RAD51D: variants seen among roughly 807,000 people sequenced by gnomAD.
The protein encoded by RAD51D is DNA repair protein RAD51 homolog 4.
RAD51D carries 38 observed loss-of-function variants against 44.1 expected under a neutral mutation model. That is an observed-to-expected ratio of 0.86 (90% confidence interval 0.67 to 1.13). The LOEUF (loss-of-function observed/expected upper bound fraction) is 1.13, where lower values mean the gene tolerates loss of function less well. Ranked by LOEUF, RAD51D falls within the 50% of genes most tolerant of loss-of-function variation. The pLI is 0.00. For synonymous variants in RAD51D, 141 were observed against 166.6 expected, an observed-to-expected ratio of 0.85 and a Z score of 1.18; for missense variants, 390 against 414.0, an observed-to-expected ratio of 0.94 and a Z score of 0.50.
chr17:35,116,991 GGCA>G lies in RAD51D; in HGVS notation c.263+1507_263+1509del, dbSNP rs753760360. On this transcript the variant is annotated intron_variant, in intron 3 of 9. Coordinates refer to ENST00000345365, the MANE Select transcript of RAD51D (RefSeq NM_002878.4). ...CCACGATCTCCCTGCGGGGACCTGA[GGCA>G]GCTGCAGTCCTCCCAGGTTCCCACT... 9.3e-6 allele frequency: 15 copies of G among 1,613,894 alleles called. No individual in the cohort carries two copies. The highest frequency in any genetic ancestry group is 2.2e-5 in the East Asian group (1 of 44,870).
At chr17:35,119,268 C>A in intron 1 of RAD51D, 96 bp from the exon 2 acceptor site, 2 of 1,196,720 alleles carry the variant, frequency 1.7e-6, no homozygotes, top group South Asian at 2.5e-5. Context: ...CAATTCTACC[C>A]CCCGGCAGGC....
rs2091475610 is a variant in RAD51D at position 35,094,526 on chromosome 17, G to C, written c.*6427C>G. On this transcript the variant is annotated 3_prime_UTR_variant, in exon 10 of 10. Transcript: ENST00000345365. Reference sequence around the variant, plus strand: ...TAACTTCCCTGGGGGAAATCAGAAAGAGCTGAGAAGTAGATCTCTGATCCC... The same window carrying C: ...TAACTTCCCTGGGGGAAATCAGAAACAGCTGAGAAGTAGATCTCTGATCCC... The C allele has an allele frequency of 6.6e-6, 1 of 152,224 alleles. No homozygotes were observed. The highest frequency in any genetic ancestry group is 6.5e-5 in the Admixed American group (1 of 15,276). 9.4% of individuals were successfully genotyped at this position (152,224 alleles called of 1,614,324 possible).
In RAD51D at chr17:35,116,931, A is replaced by T. The variant is rs376472075; in HGVS notation, c.263+1570T>A. 237 of 1,612,630 alleles carry T rather than the reference A, an allele frequency of 1.5e-4. 2 individuals carry two copies. In the African/African-American group the frequency reaches 2.4e-3, roughly 17 times the overall value. ...AAGTCCATCTGTTCCTCCATGCCCA[A>T]GTCCTGCCTTCTTCAGAGCATTCCT... On this transcript the variant is annotated intron_variant, in intron 3 of 9. Transcript: ENST00000345365.
chr17:35,097,463 ATATGTGTGTATATATATGTATATATATG>A lies in RAD51D; in HGVS notation c.*3462_*3489del, dbSNP rs1262338815. 3 of 148,848 alleles carry A rather than the reference ATATGTGTGTATATATATGTATATATATG, an allele frequency of 2.0e-5. No homozygotes were observed. The highest frequency in any genetic ancestry group is 4.4e-5 in the Non-Finnish European group (3 of 67,436). 9.2% of individuals were successfully genotyped at this position (148,848 alleles called of 1,614,324 possible). A position where few individuals can be genotyped will look rare whatever the true frequency, so the allele number is the denominator to read the frequency against. ...TGTATATATATGTGTGTATATATAT[ATATGTGTGTATATATATGTATATATATG>A]TGTGTATATGTGTGTGTGTGTGTGT... On this transcript the variant is annotated 3_prime_UTR_variant, in exon 10 of 10. Transcript: ENST00000345365.
chr17:35,102,589 C>T (rs2091552795), intron 8 of RAD51D, among the ~76,000 whole-genome samples: 1 of 150,754 alleles, frequency 6.6e-6, no homozygotes, highest in African/African-American at 2.4e-5. Context: ...TGATTGTGCC[C>T]CTGCACTCCA....
At chr17:35,108,675 T>C (rs931982224) in intron 3 of RAD51D, among the ~76,000 whole-genome samples, 9 of 152,158 alleles carry the variant, frequency 5.9e-5, no homozygotes, top group Non-Finnish European at 1.2e-4. Context: ...ACACGACTAC[T>C]ATAATCAAGA....
At chr17:35,110,420 T>C (rs1396459458) in intron 3 of RAD51D, among the ~76,000 whole-genome samples, 1 of 152,170 alleles carries the variant, frequency 6.6e-6, no homozygotes, top group African/African-American at 2.4e-5. Context: ...ACAGCAAAAG[T>C]TTTAAATTTT....
rs2091478538 is a variant in RAD51D, at chr17:35,094,994, A to C, written c.*5959T>G. Reference sequence around the variant, plus strand: ...CTCCCATTTTTCTTTCAGTGGCTCCAGCATGTGCTTCAGGAAAGCCTGTCC... The same window carrying C: ...CTCCCATTTTTCTTTCAGTGGCTCCCGCATGTGCTTCAGGAAAGCCTGTCC... On this transcript the variant is annotated 3_prime_UTR_variant, in exon 10 of 10. Coordinates refer to ENST00000345365, the MANE Select transcript of RAD51D (RefSeq NM_002878.4). 1 of 152,230 alleles carries C rather than the reference A, an allele frequency of 6.6e-6. No individual in the cohort carries two copies. The highest frequency in any genetic ancestry group is 1.5e-5 in the Non-Finnish European group (1 of 68,050). The allele number at this position is 152,230 out of a possible 1,614,324, so 9.4% of individuals were successfully genotyped here.
intron 3 of RAD51D, among the ~76,000 whole-genome samples, chr17:35,108,497 T>TAAAA (rs900458144): frequency 1.3e-5 from 1 of 78,406 alleles, no homozygotes; most frequent in African/African-American, 4.8e-5. Context: ...CTTTTCTCTT[T>TAAAA]AAAAAAAAAA....
chr17:35,106,545 G>C (rs1488297275), intron 5 of RAD51D, 64 bp from the exon 6 acceptor site: 31 of 1,272,910 alleles, frequency 2.4e-5, no homozygotes, highest in Middle Eastern at 2.4e-4. Context: ...TCAAGGTAAG[G>C]CTGAGAAGGA....
intron 6 of RAD51D, among the ~76,000 whole-genome samples, chr17:35,105,772 T>C (rs1246653865): frequency 1.3e-5 from 2 of 152,068 alleles, no homozygotes; most frequent in African/African-American, 2.4e-5. Context: ...TAGTCCAAGA[T>C]ACACACATAA....
At position 35,103,803 on chromosome 17, in the gene RAD51D, G is replaced by A. The variant is rs2091568495; in HGVS notation, c.577-259C>T. Among the ~76,000 whole-genome samples the A allele has an allele frequency of 6.6e-6, 1 of 152,244 alleles. No homozygotes were observed. Among genetic ancestry groups the A allele is most frequent in the African/African-American group, 2.4e-5 (1 of 41,460 alleles). ...ATCAAAACTACACTAAAGTGGCTGG[G>A]CGCAGTGGCTCACGCCTGTAATCCC... On this transcript the variant is annotated intron_variant, in intron 6 of 9. Transcript: ENST00000345365. The surrounding 1 kb of genome is among the most constrained non-coding windows in gnomAD (Gnocchi z 4.1).
Position 35,094,090 on chromosome 17 carries a change from T to C in RAD51D, c.*6863A>G, listed in dbSNP as rs1054308607. The C allele has an allele frequency of 1.3e-5, 2 of 152,520 alleles. No individual in the cohort carries two copies. Among genetic ancestry groups the C allele is most frequent in the East Asian group, 3.9e-4 (2 of 5,192 alleles). The allele number at this position is 152,520 out of a possible 1,614,324, so 9.4% of individuals were successfully genotyped here. ...CTCCCCCTGCTTCACATCTCAGGGA[T>C]GCATAGGCCCTGTTTTGTTTTGTTT... On this transcript the variant is annotated 3_prime_UTR_variant, in exon 10 of 10. Coordinates refer to ENST00000345365, the MANE Select transcript of RAD51D (RefSeq NM_002878.4).
chr17:35,111,106 C>T (rs1056261587), intron 3 of RAD51D, among the ~76,000 whole-genome samples: 9 of 142,218 alleles, frequency 6.3e-5, no homozygotes, highest in South Asian at 4.5e-4. Context: ...AGGCCAGGCG[C>T]GTTGACTCAC....
chr17:35,105,578 A>G (rs936018616), intron 6 of RAD51D, among the ~76,000 whole-genome samples: 30 of 152,218 alleles, frequency 2.0e-4, no homozygotes, highest in African/African-American at 6.3e-4. Context: ...AAACTATTCT[A>G]TCTTTAAGGT....
chr17:35,097,395 G>A lies in RAD51D; in HGVS notation c.*3558C>T, dbSNP rs1378897203. 2 of 152,068 alleles carry A rather than the reference G, an allele frequency of 1.3e-5. No individual in the cohort carries two copies. Among genetic ancestry groups the A allele is most frequent in the Non-Finnish European group, 2.9e-5 (2 of 68,076 alleles). The allele number at this position is 152,068 out of a possible 1,614,324, so 9.4% of individuals were successfully genotyped here. A position where few individuals can be genotyped will look rare whatever the true frequency, so the allele number is the denominator to read the frequency against. ...GGCCTCCCAAAGTGCTGGGATTACA[G>A]GCGTGAGCCACTGCGCCTGGCTCAT... On this transcript the variant is annotated 3_prime_UTR_variant, in exon 10 of 10. Coordinates refer to ENST00000345365, the MANE Select transcript of RAD51D (RefSeq NM_002878.4).
intron 3 of RAD51D, among the ~76,000 whole-genome samples, chr17:35,110,199 C>G (rs1489023421): frequency 6.6e-6 from 1 of 152,082 alleles, no homozygotes; most frequent in Non-Finnish European, 1.5e-5. Context: ...GTTTTGAACT[C>G]CTGGGCTCAA....
chr17:35,107,938 C>T (rs914308705), intron 3 of RAD51D, among the ~76,000 whole-genome samples: 9 of 151,046 alleles, frequency 6.0e-5, no homozygotes, highest in South Asian at 4.2e-4. Context: ...TAATTAGAGA[C>T]GGGGTTTCAC....
rs757467813 is a variant in RAD51D, at chr17:35,118,501, C to A, written c.263G>T (p.Ser88Ile). Residue 88 changes from serine (S) to isoleucine (I), a missense_variant and splice_region_variant, in exon 3 of 10, where the codon AGT becomes ATT. By Grantham distance (142) the Ser-to-Ile change is moderately radical. Coordinates refer to ENST00000345365, the MANE Select transcript of RAD51D (RefSeq NM_002878.4). ...TTCTTCCCCAAGTACACACACAAACCTGCCAATGCCAGTGGACAGGATGGC... is the reference window on the plus strand; with the variant it reads ...TTCTTCCCCAAGTACACACACAAACATGCCAATGCCAGTGGACAGGATGGC... The part of the protein sequence containing the change: ...STAILSTGIG[S>I]LDKLLDAGLY... 6.2e-7 allele frequency: 1 copy of A among 1,613,328 alleles called. No individual in the cohort carries two copies. The highest frequency in any genetic ancestry group is 1.1e-5 in the South Asian group (1 of 91,068).
Sources: gnomAD v4.1 joint callset for allele counts (sites outside exome capture counted in the v4.1 genomes callset) on GRCh38, gnomAD v4.1.1 for gene constraint, Gnocchi (gnomAD v3.1) non-coding constraint, MANE v1.5 for transcripts, NCBI Gene and HGNC (gene_info 2026-07-23, HGNC 2026-07-21) for gene names.